CXCL14: variants seen among roughly 807,000 people sequenced by gnomAD.
CXCL14 encodes C-X-C motif chemokine ligand 14.
Under a neutral mutation model 16.1 loss-of-function variants are expected in CXCL14, and 9 were observed. The ratio of observed to expected loss-of-function variants is 0.56; its 90% CI spans 0.34 to 0.97. CXCL14 has a LOEUF of 0.97. CXCL14 is among the 50% of genes least tolerant of loss of function. The probability of loss-of-function intolerance (pLI) is 0.02; values close to 1 mark genes in which losing one functional copy is unlikely to be tolerated. For synonymous variants in CXCL14, 55 were observed against 52.8 expected (o/e 1.04, Z -0.18); for missense variants, 111 against 132.5 (o/e 0.84, Z 0.80).
At position 135,578,863 on chromosome 5, in the gene CXCL14, C is replaced by T. The variant is rs376806377; in HGVS notation, c.-85G>A. ...GCGGCGGCCCGGAGACGCCACCCAG[C>T]TCTGCTCGGCTTTCTCTGCCCGGGG... On this transcript the variant is annotated 5_prime_UTR_variant, in exon 1 of 4. Coordinates refer to ENST00000512158, the MANE Select transcript of CXCL14 (RefSeq NM_004887.5). The T allele has an allele frequency of 1.5e-5, 21 of 1,372,560 alleles. No homozygotes were observed. Among genetic ancestry groups the T allele is most frequent in the East Asian group, 8.4e-5 (3 of 35,838 alleles). 85.0% of individuals were successfully genotyped at this position (1,372,560 alleles called of 1,614,324 possible). A position where few individuals can be genotyped will look rare whatever the true frequency, so the allele number is the denominator to read the frequency against.
chr5:135,574,514 A>G (rs1158129580), intron 3 of CXCL14, 58 bp downstream of exon 3: 16 of 1,459,498 alleles, frequency 1.1e-5, no homozygotes, highest in Middle Eastern at 2.4e-4. Flanking sequence ...GTCCCTTCCC[A>G]TCCTGAGAGC....
At chr5:135,572,881 C>G (rs954176088) in intron 3 of CXCL14, among the ~76,000 whole-genome samples, 1 of 152,112 alleles carries the variant, frequency 6.6e-6, no homozygotes, top group Non-Finnish European at 1.5e-5. Flanking sequence ...TATCACTGTT[C>G]TATGTTCATT....
At chr5:135,573,413 T>C (rs1271939846) in intron 3 of CXCL14, among the ~76,000 whole-genome samples, 1 of 152,212 alleles carries the variant, frequency 6.6e-6, no homozygotes. Context: ...GGCTCAGGTA[T>C]AGGGGTTGAG....
intron 3 of CXCL14, among the ~76,000 whole-genome samples, chr5:135,572,314 G>A (rs1751041867): frequency 6.6e-6 from 1 of 152,204 alleles, no homozygotes; most frequent in Admixed American, 6.5e-5. Context: ...GCAAGGGTGG[G>A]AGGCATTCCC....
chr5:135,575,152 C>T (rs1363237641), intron 2 of CXCL14, among the ~76,000 whole-genome samples: 1 of 152,122 alleles, frequency 6.6e-6, no homozygotes, highest in Non-Finnish European at 1.5e-5. Context: ...TCAGACATGC[C>T]CCGCAGACAC....
At chr5:135,574,972 C>T (rs1751077632) in intron 2 of CXCL14, among the ~76,000 whole-genome samples, 1 of 152,142 alleles carries the variant, frequency 6.6e-6, no homozygotes, top group Admixed American at 6.5e-5. Flanking sequence ...TCTCCCACCC[C>T]CAACCTCATG....
intron 2 of CXCL14, among the ~76,000 whole-genome samples, chr5:135,577,472 G>A (rs1751121706): frequency 6.6e-6 from 1 of 152,228 alleles, no homozygotes; most frequent in African/African-American, 2.4e-5. Flanking sequence ...TGACAGTGTA[G>A]CCCCTAGACG....
In CXCL14 at chr5:135,578,764, C is replaced by A. The variant is rs1248414498; in HGVS notation, c.15G>T (p.Ala5=). The A allele has an allele frequency of 1.7e-5, 26 of 1,545,754 alleles. No homozygotes were observed. The highest frequency in any genetic ancestry group is 2.0e-5 in the Admixed American group (1 of 49,516). The stretch of plus-strand genomic sequence containing the variant: ...CCAGCAGCAGCAGGAGCAGCGCGGC[C>A]GCCAGGAGCCTCATGCTGACCGGAG... MRLL[A]AALLLLLLAL... The change falls in exon 1 of 4, where the codon GCG becomes GCT. Residue 5 remains alanine (A), a synonymous_variant. Coordinates refer to ENST00000512158, the MANE Select transcript of CXCL14 (RefSeq NM_004887.5).
Position 135,574,573 on chromosome 5 carries a change from T to C in CXCL14, c.283A>G (p.Arg95Gly), listed in dbSNP as rs151075257. 6.2e-7 allele frequency: 1 copy of C among 1,611,354 alleles called. No homozygotes were observed. The highest frequency in any genetic ancestry group is 2.2e-5 in the East Asian group (1 of 44,856). The change falls in exon 3 of 4, where the codon AGG (arginine) becomes GGG (glycine). Residue 95 changes from arginine to glycine, a missense_variant and splice_region_variant. Physicochemically the swap from Arg to Gly is moderately radical, Grantham distance 125. Transcript: ENST00000512158. Reference protein sequence around the residue: ...KWYNAWNEKRRVYEE With the variant: ...KWYNAWNEKRGVYEE ...AAGGTGAGTAGAGGCGGGGCGTACC[T>C]GCGCTTCTCGTTCCAGGCGTTGTAC...
At chr5:135,575,982 G>C (rs1312032805) in intron 2 of CXCL14, among the ~76,000 whole-genome samples, 1 of 152,176 alleles carries the variant, frequency 6.6e-6, no homozygotes, top group East Asian at 1.9e-4. Context: ...GTTCTAGAAG[G>C]GACAGGATTC....
intron 3 of CXCL14, among the ~76,000 whole-genome samples, chr5:135,572,582 C>T (rs1484875688): frequency 1.3e-5 from 2 of 152,236 alleles, no homozygotes; most frequent in Non-Finnish European, 2.9e-5. Context: ...TAGTTCTGCC[C>T]CATGGCTGCC....
intron 2 of CXCL14, among the ~76,000 whole-genome samples, chr5:135,577,521 G>C (rs975337522): frequency 6.6e-6 from 1 of 152,212 alleles, no homozygotes; most frequent in Non-Finnish European, 1.5e-5. Flanking sequence ...CACTGCTTTC[G>C]CAGACACTGT....
At chr5:135,577,756 A>G (rs1263852013) in intron 2 of CXCL14, among the ~76,000 whole-genome samples, 1 of 152,168 alleles carries the variant, frequency 6.6e-6, no homozygotes, top group Non-Finnish European at 1.5e-5. Context: ...GCAAGAAACT[A>G]AGTGTTCTCT....
chr5:135,573,440 G>C (rs966193688), intron 3 of CXCL14, among the ~76,000 whole-genome samples: 18 of 152,220 alleles, frequency 1.2e-4, no homozygotes, highest in African/African-American at 4.1e-4. Flanking sequence ...TGTCAGCTCT[G>C]GGAGAGCTGG....
intron 3 of CXCL14, among the ~76,000 whole-genome samples, chr5:135,573,594 C>T (rs1463364083): frequency 6.6e-6 from 1 of 152,114 alleles, no homozygotes; most frequent in Non-Finnish European, 1.5e-5. Flanking sequence ...TGGCTTTGCC[C>T]TGTGCTCCCA....
intron 3 of CXCL14, among the ~76,000 whole-genome samples, chr5:135,574,182 G>A (rs1443420296): frequency 1.3e-5 from 2 of 152,252 alleles, no homozygotes; most frequent in Non-Finnish European, 2.9e-5. Flanking sequence ...AGTCACCTAA[G>A]TGGTCACATT....
rs750866496 is a variant in CXCL14, at chr5:135,571,886, A to G, written c.285-18T>C. 6.2e-7 allele frequency: 1 copy of G among 1,612,414 alleles called. No individual in the cohort carries two copies. Among genetic ancestry groups the G allele is most frequent in the Admixed American group, 1.7e-5 (1 of 59,806 alleles). On this transcript the variant is annotated intron_variant, in intron 3 of 3. Coordinates refer to ENST00000512158, the MANE Select transcript of CXCL14 (RefSeq NM_004887.5). ...CGTAGACCCTGGGGAGAAAAAACACATGTGTAAGTGGCTCAGGACATGAGG... is the reference window on the plus strand; with the variant it reads ...CGTAGACCCTGGGGAGAAAAAACACGTGTGTAAGTGGCTCAGGACATGAGG...
chr5:135,571,970 G>A (rs1210226286), intron 3 of CXCL14, 102 bp from the exon 4 acceptor site: 12 of 1,202,328 alleles, frequency 1.0e-5, no homozygotes, highest in African/African-American at 3.0e-5. Context: ...TGCAGGGAAT[G>A]CCCCTGTCCC....
rs1751161345 is a variant in CXCL14 at position 135,578,709 on chromosome 5, A to T, written c.64+6T>A. ...GACGGCGACAAGGGGAGCTCCCCGC[A>T]CTCACCGTCCACACGCGCGGTGTAC... On this transcript the variant is annotated splice_donor_region_variant and intron_variant, in intron 1 of 3. Coordinates refer to ENST00000512158, the MANE Select transcript of CXCL14 (RefSeq NM_004887.5). 6.4e-7 allele frequency: 1 copy of T among 1,551,318 alleles called. No homozygotes were observed. The highest frequency in any genetic ancestry group is 1.4e-5 in the African/African-American group (1 of 73,056).
Sources: allele counts gnomAD v4.1 joint callset (sites outside exome capture counted in the v4.1 genomes callset), GRCh38; gene constraint gnomAD v4.1.1; transcripts MANE v1.5; gene names NCBI Gene and HGNC (gene_info 2026-07-23, HGNC 2026-07-21).